ACAN: variants seen among roughly 807,000 people sequenced by gnomAD.
ACAN encodes aggrecan.
ACAN carries 47 observed loss-of-function variants against 169.1 expected under a neutral mutation model. That is an observed-to-expected ratio of 0.28 (90% confidence interval 0.22 to 0.35). The LOEUF (loss-of-function observed/expected upper bound fraction) is 0.35, where lower values mean the gene tolerates loss of function less well. Among genes scored for constraint, ACAN ranks in the 10% least tolerant of loss-of-function variants. The pLI is 1.00. For missense variants in ACAN, 2,716 were observed against 2,759.9 expected (o/e 0.98, Z 0.36); for synonymous variants, 1,115 against 1,112.2 (o/e 1.00, Z -0.05).
Position 88,868,835 on chromosome 15 carries a change from C to T in ACAN, c.7060+506C>T, listed in dbSNP as rs141951919. ...TGTGGTTGGTCTGCCTGAGATCTCC[C>T]GTGTCATCAGCATGCTCAAGTCATG... On this transcript the variant is annotated intron_variant, in intron 14 of 18. Transcript: ENST00000560601. The surrounding 1 kb of genome is among the most constrained non-coding windows in gnomAD (Gnocchi z 5.2). Among the ~76,000 whole-genome samples, 601 of 152,272 alleles carry T rather than the reference C, an allele frequency of 3.9e-3. 4 individuals are homozygous for T. Among genetic ancestry groups the T allele is most frequent in the African/African-American group, 0.013 (545 of 41,552 alleles).
chr15:88,811,389 C>T lies in ACAN; in HGVS notation c.-8+7580C>T, dbSNP rs1282826691. 2.0e-5 allele frequency among the ~76,000 whole-genome samples: 3 copies of T among 152,322 alleles called. No individual in the cohort carries two copies. The East Asian group carries it at 5.8e-4, about 29-fold the overall frequency. On this transcript the variant is annotated intron_variant, in intron 1 of 18. Coordinates refer to ENST00000560601, the MANE Select transcript of ACAN (RefSeq NM_001369268.1). ...CAGGAATACAGCAGCTGCACCCAGG[C>T]CAAGGGGCAAGGGGAGACCCCACCA...
At chr15:88,832,020 T>C (rs1038505696) in intron 1 of ACAN, among the ~76,000 whole-genome samples, 1 of 152,162 alleles carries the variant, frequency 6.6e-6, no homozygotes, top group Non-Finnish European at 1.5e-5. Flanking sequence ...CTGAGCCATT[T>C]TGACTCAATC....
At chr15:88,826,570 AC>A (rs1896228150) in intron 1 of ACAN, among the ~76,000 whole-genome samples, 1 of 151,138 alleles carries the variant, frequency 6.6e-6, no homozygotes, top group Non-Finnish European at 1.5e-5. Context: ...CCACTTGGGA[AC>A]CCCCTCCTCC....
intron 1 of ACAN, among the ~76,000 whole-genome samples, chr15:88,804,332 TA>T (rs1175024950): frequency 1.3e-5 from 2 of 152,202 alleles, no homozygotes; most frequent in Non-Finnish European, 2.9e-5. Flanking sequence ...CAGCGGGTCC[TA>T]AGCCGAGGCT....
Position 88,841,878 on chromosome 15 carries a change from C to T in ACAN, c.757+11C>T. On this transcript the variant is annotated intron_variant, in intron 5 of 18. Transcript: ENST00000560601. ...CCGAGGAGATGGAGGGTGAGCTGCC[C>T]TGCCCACCAGGAGGCACCCAGCTCC... The T allele has an allele frequency of 1.2e-6, 2 of 1,613,220 alleles. No homozygotes were observed. Among genetic ancestry groups the T allele is most frequent in the South Asian group, 1.1e-5 (1 of 90,994 alleles).
intron 12 of ACAN, 25 bp from the exon 13 acceptor site, chr15:88,860,301 T>G: frequency 6.4e-7 from 1 of 1,556,394 alleles, no homozygotes; most frequent in Non-Finnish European, 8.8e-7. Flanking sequence ...TTCTTGATGC[T>G]CAACCTCTCC....
At chr15:88,806,960 A>G (rs1450553918) in intron 1 of ACAN, among the ~76,000 whole-genome samples, 1 of 152,210 alleles carries the variant, frequency 6.6e-6, no homozygotes, top group Non-Finnish European at 1.5e-5. Flanking sequence ...GAAGCCCTCT[A>G]TAAGGGTATG....
chr15:88,819,073 G>A (rs1896010773), intron 1 of ACAN, among the ~76,000 whole-genome samples: 1 of 152,206 alleles, frequency 6.6e-6, no homozygotes, highest in South Asian at 2.1e-4. Flanking sequence ...ACTTTTGTGA[G>A]GGCAGCTGCT....
At chr15:88,804,317 G>A (rs1895621324) in intron 1 of ACAN, among the ~76,000 whole-genome samples, 1 of 152,156 alleles carries the variant, frequency 6.6e-6, no homozygotes, top group Admixed American at 6.5e-5. Context: ...ACTATGTCAG[G>A]GACACAGCGG....
rs1247822981 is a variant in ACAN, at chr15:88,843,764, A to G, written c.1051+116A>G. On this transcript the variant is annotated intron_variant, in intron 6 of 18. Transcript: ENST00000560601. The surrounding 1 kb of genome is among the most constrained non-coding windows in gnomAD (Gnocchi z 4.0). Reference sequence around the variant, plus strand: ...TTTGCCCTTGAAGGGGCCACGGGGTACCTGAACCCCATGTTTTTAGGACAC... The same window carrying G: ...TTTGCCCTTGAAGGGGCCACGGGGTGCCTGAACCCCATGTTTTTAGGACAC... The G allele has an allele frequency of 2.3e-6, 3 of 1,294,702 alleles. 1 individual carries two copies. The highest frequency in any genetic ancestry group is 3.0e-5 in the African/African-American group (2 of 67,594). 80.2% of individuals were successfully genotyped at this position (1,294,702 alleles called of 1,614,324 possible).
At position 88,810,553 on chromosome 15, in the gene ACAN, C is replaced by T. The variant is rs61091760; in HGVS notation, c.-8+6744C>T. Among the ~76,000 whole-genome samples, 2,079 of 152,216 alleles carry T rather than the reference C, an allele frequency of 0.014. 158 individuals carry two copies. In the East Asian group the frequency reaches 0.23, roughly 17 times the overall value. On this transcript the variant is annotated intron_variant, in intron 1 of 18. Transcript: ENST00000560601. ...CCCAAGCAGATGCTCCCTGTCTCCC[C>T]TCCAGCCCATCTCCCTTTGACCTGC...
chr15:88,850,093 G>A (rs895050349), intron 10 of ACAN: 6 of 578,572 alleles, frequency 1.0e-5, no homozygotes, highest in African/African-American at 1.9e-5. Context: ...AAGTGCACGT[G>A]GTGCCCTTGG....
At chr15:88,854,167 G>A (rs1429831252) in intron 11 of ACAN, among the ~76,000 whole-genome samples, 3 of 152,218 alleles carry the variant, frequency 2.0e-5, no homozygotes, top group Non-Finnish European at 2.9e-5. Flanking sequence ...GTCACTGTAT[G>A]TTTACAAACA....
chr15:88,854,680 T>C (rs891683771), intron 11 of ACAN, among the ~76,000 whole-genome samples, 172 bp from the exon 12 acceptor site: 5 of 152,198 alleles, frequency 3.3e-5, no homozygotes, highest in Non-Finnish European at 5.9e-5. Flanking sequence ...TTTCCTTTCT[T>C]CATTTCCAAG....
chr15:88,824,294 C>T (rs897772250), intron 1 of ACAN, among the ~76,000 whole-genome samples: 4 of 150,754 alleles, frequency 2.7e-5, no homozygotes, highest in Admixed American at 6.6e-5. Context: ...ACTGCACTCC[C>T]GGGTGACAGA....
intron 1 of ACAN, among the ~76,000 whole-genome samples, chr15:88,823,723 C>A (rs920744101): frequency 6.6e-6 from 1 of 152,154 alleles, no homozygotes; most frequent in Non-Finnish European, 1.5e-5. Context: ...CACTCCCAGC[C>A]TCTTGGAGAT....
Position 88,857,108 on chromosome 15 carries a change from A to C in ACAN, c.4523A>C (p.Glu1508Ala), listed in dbSNP as rs2882676. 0.6 allele frequency: 963,538 copies of C among 1,612,950 alleles called. 297,361 individuals carry two copies. Among genetic ancestry groups the C allele is most frequent in the Non-Finnish European group, 0.65 (762,792 of 1,179,658 alleles). Residue 1508 changes from glutamate to alanine, a missense_variant, in exon 12 of 19, where the codon GAA (glutamate) becomes GCA (alanine). Transcript: ENST00000560601. ...TSASGIEDVS[E>A]LPSGEGLETS... ...GCCTCTGGAATAGAGGATGTCAGTG[A>C]ACTTCCTTCAGGAGAAGGTCTAGAG...
chr15:88,844,477 G>A (rs1309477425), intron 6 of ACAN, among the ~76,000 whole-genome samples: 2 of 151,806 alleles, frequency 1.3e-5, no homozygotes, highest in Admixed American at 6.6e-5. Context: ...AGGTTCAAAC[G>A]ATTCTTCTGC....
In ACAN at chr15:88,858,530, T is replaced by C; in HGVS notation, c.5945T>C (p.Leu1982Pro). 3 of 1,613,914 alleles carry C rather than the reference T, an allele frequency of 1.9e-6. No homozygotes were observed. Among genetic ancestry groups the C allele is most frequent in the Non-Finnish European group, 1.7e-6 (2 of 1,179,886 alleles). Residue 1982 changes from leucine (L) to proline (P), a missense_variant, in exon 12 of 19, where the codon CTG becomes CCG. By Grantham distance (98) the Leu-to-Pro change is moderately conservative (BLOSUM62 -3). Around this residue, in one of 3 missense-constraint regions of ACAN, gnomAD observed 1,389 missense variants for 1,363.7 expected, o/e 1.02. Coordinates refer to ENST00000560601, the MANE Select transcript of ACAN (RefSeq NM_001369268.1). This position sits in a 1 kb window ranked among gnomAD's most constrained non-coding sequence, Gnocchi z 4.0. ...PDMSGEHSGF[L>P]DLSGLQSGLI... ...ATGTCTGGGGAGCATTCTGGATTTC[T>C]GGACCTAAGTGGGCTGCAGTCCGGG...
Sources: gnomAD v4.1 joint callset for allele counts (sites outside exome capture counted in the v4.1 genomes callset) on GRCh38, gnomAD v4.1.1 for gene constraint, gnomAD v4.1.1 regional missense constraint, Gnocchi (gnomAD v3.1) non-coding constraint, MANE v1.5 for transcripts, NCBI Gene and HGNC (gene_info 2026-07-23, HGNC 2026-07-21) for gene names.